Variants in IQCF5 observed in about 807,000 individuals in gnomAD.
IQCF5 encodes the protein IQ motif containing F5, also known as IQ domain-containing protein F5.
IQCF5 carries 2 observed loss-of-function variants against 3.4 expected under a neutral mutation model. The observed-to-expected ratio is 0.58, with a 90% CI of 0.24 to 1.84. The LOEUF is 1.84. IQCF5 is among the 40% of genes most tolerant of loss of function. IQCF5 has a pLI of 0.17. For synonymous variants in IQCF5, 58 were observed against 64.7 expected, an observed-to-expected ratio of 0.90 and a Z score of 0.49; for missense variants, 167 against 191.6, an observed-to-expected ratio of 0.87 and a Z score of 0.76.
chr3:51,875,538 G>A lies in IQCF5; in HGVS notation c.-7C>T, dbSNP rs1387862850. On this transcript the variant is annotated 5_prime_UTR_variant, in exon 1 of 2. Transcript: ENST00000446461. ...ACTTTACTAAATTACCCATGGTTAG[G>A]GGCTAGATGGTCCCATCACCCTCCG... The A allele has an allele frequency of 3.2e-6, 5 of 1,551,950 alleles. No homozygotes were observed. Among genetic ancestry groups the A allele is most frequent in the Non-Finnish European group, 4.4e-6 (5 of 1,147,080 alleles).
chr3:51,875,102 C>T (rs757526531), intron 1 of IQCF5: 21 of 218,342 alleles, frequency 9.6e-5, no homozygotes, highest in Admixed American at 3.6e-4. Flanking sequence ...GACCCAGCCA[C>T]TCACGGAGTT....
At chr3:51,874,294 AC>A in intron 1 of IQCF5, 119 bp from the exon 2 acceptor site, 1 of 1,017,092 alleles carries the variant, frequency 9.8e-7, no homozygotes, top group Non-Finnish European at 1.5e-6. Flanking sequence ...AACCCAGGAG[AC>A]CAGGTAGGTG....
At position 51,873,753 on chromosome 3, in the gene IQCF5, G is replaced by A. The variant is rs149232301; in HGVS notation, c.427C>T (p.Pro143Ser). The change falls in exon 2 of 2, where the codon CCC becomes TCC. Residue 143 changes from proline (P) to serine (S), a missense_variant. Physicochemically the swap from Pro to Ser is moderately conservative, Grantham distance 74. Transcript: ENST00000446461. Reference sequence around the variant, plus strand: ...CCTGGTCATTCTTTTAATGGAAGGGGTATGCATTGTTGCACCTTACAAGCC... The same window carrying A: ...CCTGGTCATTCTTTTAATGGAAGGGATATGCATTGTTGCACCTTACAAGCC... ...LQACKVQQCI[P>S]LPLKE 8.7e-4 allele frequency: 1,354 copies of A among 1,551,082 alleles called. 8 individuals are homozygous for A. The African/African-American group carries it at 0.015, about 18-fold the overall frequency.
In IQCF5 at chr3:51,873,779, T is replaced by C. The variant is rs1456030325; in HGVS notation, c.401A>G (p.Gln134Arg). 2 of 1,551,756 alleles carry C rather than the reference T, an allele frequency of 1.3e-6. No individual in the cohort carries two copies. The highest frequency in any genetic ancestry group is 2.4e-5 in the East Asian group (1 of 40,926). ...NIQLEISLGLQACKVQQCIPL... is the reference protein window; with the variant it reads ...NIQLEISLGLRACKVQQCIPL... ...TATGCATTGTTGCACCTTACAAGCCTGTAAGCCCAAAGAGATTTCAAGTTG... is the reference window on the plus strand; with the variant it reads ...TATGCATTGTTGCACCTTACAAGCCCGTAAGCCCAAAGAGATTTCAAGTTG... The change falls in exon 2 of 2, where the codon CAG (glutamine) becomes CGG (arginine). Residue 134 changes from glutamine (Q) to arginine (R), a missense_variant. Physicochemically the swap from Gln to Arg is conservative, Grantham distance 43. Coordinates refer to ENST00000446461, the MANE Select transcript of IQCF5 (RefSeq NM_001145059.2).
In IQCF5 at chr3:51,875,553, A is replaced by G. The variant is rs559498096; in HGVS notation, c.-22T>C. On this transcript the variant is annotated 5_prime_UTR_variant, in exon 1 of 2. It removes an upstream start codon present in the reference 5' UTR. Transcript: ENST00000446461. ...CCATGGTTAGGGGCTAGATGGTCCCATCACCCTCCGGCCCGCACTCCTCCG... is the reference window on the plus strand; with the variant it reads ...CCATGGTTAGGGGCTAGATGGTCCCGTCACCCTCCGGCCCGCACTCCTCCG... 1.3e-6 allele frequency: 2 copies of G among 1,552,052 alleles called. No homozygotes were observed. The highest frequency in any genetic ancestry group is 1.7e-4 in the Middle Eastern group (1 of 5,994).
In IQCF5 at chr3:51,873,983, T is replaced by C. The variant is rs1389065939; in HGVS notation, c.197A>G (p.Gln66Arg). The C allele has an allele frequency of 6.4e-7, 1 of 1,552,136 alleles. No homozygotes were observed. The highest frequency in any genetic ancestry group is 1.4e-5 in the African/African-American group (1 of 73,068). Residue 66 changes from glutamine (Q) to arginine (R), a missense_variant, in exon 2 of 2, where the codon CAG (glutamine) becomes CGG (arginine). Physicochemically the swap from Gln to Arg is conservative, Grantham distance 43 (BLOSUM62 1). Coordinates refer to ENST00000446461, the MANE Select transcript of IQCF5 (RefSeq NM_001145059.2). The stretch of plus-strand genomic sequence containing the variant: ...CAGCCTGACTGCTGCCCATTCCTGC[T>C]GCACATAGAACTCCAACACCATCCT... ...RRRMVLEFYVQQEWAAVRLQS... is the reference protein window; with the variant it reads ...RRRMVLEFYVRQEWAAVRLQS...
chr3:51,874,086 G>A lies in IQCF5; in HGVS notation c.94C>T (p.Leu32=). The A allele has an allele frequency of 1.3e-6, 2 of 1,553,082 alleles. No homozygotes were observed. Among genetic ancestry groups the A allele is most frequent in the Non-Finnish European group, 1.7e-6 (2 of 1,147,680 alleles). Reference sequence around the variant, plus strand: ...ATCCAAGCCCTGAGGGCTGCATGCAGCAGTGTGCGTCGCACCAGCATGCCC... The same window carrying A: ...ATCCAAGCCCTGAGGGCTGCATGCAACAGTGTGCGTCGCACCAGCATGCCC... ...WRGMLVRRTL[L]HAALRAWIIQ... is the part of the protein sequence containing the mutation. Residue 32 remains leucine (L), a synonymous_variant, in exon 2 of 2, where the codon CTG becomes TTG. Transcript: ENST00000446461.
chr3:51,874,736 C>CT, intron 1 of IQCF5: 5 of 143,010 alleles, frequency 3.5e-5, no homozygotes, highest in Non-Finnish European at 6.2e-5. Context: ...GCCCCTTGGT[C>CT]CTGCATTCCC....
At position 51,873,903 on chromosome 3, in the gene IQCF5, C is replaced by A; in HGVS notation, c.277G>T (p.Ala93Ser). Residue 93 changes from alanine to serine, a missense_variant, in exon 2 of 2, where the codon GCT becomes TCT. Coordinates refer to ENST00000446461, the MANE Select transcript of IQCF5 (RefSeq NM_001145059.2). ...CAATAGACCTGGATGATGCGGACAG[C>A]GTTGAGCAAACGACAGTAACGCTGG... is the stretch of plus-strand genomic sequence containing the variant. The part of the protein sequence containing the change: ...VRQRYCRLLN[A>S]VRIIQVYWRW... 2 of 1,551,774 alleles carry A rather than the reference C, an allele frequency of 1.3e-6. No individual in the cohort carries two copies. The highest frequency in any genetic ancestry group is 2.4e-5 in the East Asian group (1 of 40,922).
chr3:51,875,495 A>G, intron 1 of IQCF5, 33 bp downstream of exon 1: 1 of 1,552,062 alleles, frequency 6.4e-7, no homozygotes. Context: ...ACAGGTCGTA[A>G]AATTCGCACA....
Position 51,874,069 on chromosome 3 carries a change from C to T in IQCF5, c.111G>A (p.Arg37=), listed in dbSNP as rs1268606535. 1.9e-6 allele frequency: 3 copies of T among 1,553,336 alleles called. No homozygotes were observed. The Admixed American group carries it at 5.9e-5, about 30-fold the overall frequency. ...TCCACCAGCACTGAATGATCCAAGC[C>T]CTGAGGGCTGCATGCAGCAGTGTGC... The part of the protein sequence containing the change: ...VRRTLLHAAL[R]AWIIQCWWRQ... Residue 37 remains arginine, a synonymous_variant, in exon 2 of 2, where the codon AGG becomes AGA. Coordinates refer to ENST00000446461, the MANE Select transcript of IQCF5 (RefSeq NM_001145059.2).
chr3:51,874,257 G>C (rs1350699337), intron 1 of IQCF5, 82 bp from the exon 2 acceptor site: 8 of 1,380,160 alleles, frequency 5.8e-6, no homozygotes, highest in Non-Finnish European at 6.0e-6. Context: ...TTCCTCTAAA[G>C]TTCAGCACTG....
In IQCF5 at chr3:51,874,097, C is replaced by G; in HGVS notation, c.83G>C (p.Arg28Pro). 1 of 1,552,752 alleles carries G rather than the reference C, an allele frequency of 6.4e-7. No individual in the cohort carries two copies. Among genetic ancestry groups the G allele is most frequent in the Non-Finnish European group, 8.7e-7 (1 of 1,147,494 alleles). Reference sequence around the variant, plus strand: ...GAGGGCTGCATGCAGCAGTGTGCGTCGCACCAGCATGCCCCGCCACCAGGC... The same window carrying G: ...GAGGGCTGCATGCAGCAGTGTGCGTGGCACCAGCATGCCCCGCCACCAGGC... ...IQAWWRGMLV[R>P]RTLLHAALRA... The change falls in exon 2 of 2, where the codon CGA becomes CCA. Residue 28 changes from arginine (R) to proline (P), a missense_variant. Coordinates refer to ENST00000446461, the MANE Select transcript of IQCF5 (RefSeq NM_001145059.2).
chr3:51,873,923 C>A lies in IQCF5; in HGVS notation c.257G>T (p.Arg86Leu), dbSNP rs557086188. The change falls in exon 2 of 2, where the codon CGT becomes CTT. Residue 86 changes from arginine to leucine, a missense_variant. Transcript: ENST00000446461. ...GACAGCGTTGAGCAAACGACAGTAA[C>A]GCTGGCGGACACACCACATGCGGAC... Reference protein sequence around the residue: ...SWVRMWCVRQRYCRLLNAVRI... With the variant: ...SWVRMWCVRQLYCRLLNAVRI... 6.4e-7 allele frequency: 1 copy of A among 1,551,840 alleles called. No individual in the cohort carries two copies. The highest frequency in any genetic ancestry group is 8.7e-7 in the Non-Finnish European group (1 of 1,147,044).
chr3:51,873,818 T>C lies in IQCF5; in HGVS notation c.362A>G (p.Asn121Ser), dbSNP rs1321401625. The change falls in exon 2 of 2, where the codon AAC (asparagine) becomes AGC (serine). Residue 121 changes from asparagine to serine, a missense_variant. Transcript: ENST00000446461. Reference sequence around the variant, plus strand: ...GATTTCAAGTTGAATATTAAGTTGGTTTTCTTTGAGTTCATAGTGGCCCTC... The same window carrying C: ...GATTTCAAGTTGAATATTAAGTTGGCTTTCTTTGAGTTCATAGTGGCCCTC... ...FIEGHYELKE[N>S]QLNIQLEISL... 1.3e-6 allele frequency: 2 copies of C among 1,551,744 alleles called. No homozygotes were observed. Among genetic ancestry groups the C allele is most frequent in the Non-Finnish European group, 8.7e-7 (1 of 1,146,992 alleles).
At position 51,873,769 on chromosome 3, in the gene IQCF5, C is replaced by T. The variant is rs981377294; in HGVS notation, c.411G>A (p.Lys137=). ...ATGGAAGGGGTATGCATTGTTGCACCTTACAAGCCTGTAAGCCCAAAGAGA... is the reference window on the plus strand; with the variant it reads ...ATGGAAGGGGTATGCATTGTTGCACTTTACAAGCCTGTAAGCCCAAAGAGA... ...LEISLGLQAC[K]VQQCIPLPLK... The change falls in exon 2 of 2, where the codon AAG becomes AAA. Residue 137 remains lysine (K), a synonymous_variant. Coordinates refer to ENST00000446461, the MANE Select transcript of IQCF5 (RefSeq NM_001145059.2). 6.4e-7 allele frequency: 1 copy of T among 1,551,548 alleles called. No homozygotes were observed. Among genetic ancestry groups the T allele is most frequent in the Non-Finnish European group, 8.7e-7 (1 of 1,146,988 alleles).
In IQCF5 at chr3:51,873,923, C is replaced by T. The variant is rs557086188; in HGVS notation, c.257G>A (p.Arg86His). 9.7e-6 allele frequency: 15 copies of T among 1,551,722 alleles called. No homozygotes were observed. Among genetic ancestry groups the T allele is most frequent in the East Asian group, 2.4e-5 (1 of 40,938 alleles). The change falls in exon 2 of 2, where the codon CGT becomes CAT. Residue 86 changes from arginine to histidine, a missense_variant. Transcript: ENST00000446461. ...GACAGCGTTGAGCAAACGACAGTAA[C>T]GCTGGCGGACACACCACATGCGGAC... Reference protein sequence around the residue: ...SWVRMWCVRQRYCRLLNAVRI... With the variant: ...SWVRMWCVRQHYCRLLNAVRI...
In IQCF5 at chr3:51,873,848, A is replaced by C. The variant is rs1182270174; in HGVS notation, c.332T>G (p.Phe111Cys). Residue 111 changes from phenylalanine to cysteine, a missense_variant, in exon 2 of 2, where the codon TTT (phenylalanine) becomes TGT (cysteine). Transcript: ENST00000446461. ...WRWHSCHSRVFIEGHYELKEN... is the reference protein window; with the variant it reads ...WRWHSCHSRVCIEGHYELKEN... ...TTTGAGTTCATAGTGGCCCTCAATA[A>C]AGACACGGGAATGGCAGCTGTGCCA... 6.4e-7 allele frequency: 1 copy of C among 1,551,784 alleles called. No homozygotes were observed. The highest frequency in any genetic ancestry group is 2.0e-5 in the Admixed American group (1 of 51,012).
chr3:51,874,483 C>A, intron 1 of IQCF5: 1 of 550,800 alleles, frequency 1.8e-6, no homozygotes, highest in South Asian at 1.5e-5. Context: ...AAAGAGCTGC[C>A]ATCTACCTGG....
Sources: allele counts gnomAD v4.1 joint callset, GRCh38; gene constraint gnomAD v4.1.1; transcripts MANE v1.5; gene names NCBI Gene and HGNC (gene_info 2026-07-23, HGNC 2026-07-21).